Variants in EYA4 observed in about 807,000 individuals in gnomAD.
The protein encoded by EYA4 is protein phosphatase EYA4.
EYA4 carries 31 observed loss-of-function variants against 87.9 expected under a neutral mutation model. The observed-to-expected ratio is 0.35, with a 90% CI of 0.27 to 0.48. The LOEUF is 0.48. EYA4 is among the 20% of genes least tolerant of loss of function. The probability of loss-of-function intolerance (pLI) is 0.99; values close to 1 mark genes in which losing one functional copy is unlikely to be tolerated. For synonymous variants in EYA4, 263 were observed against 270.6 expected, an observed-to-expected ratio of 0.97 and a Z score of 0.28; for missense variants, 678 against 761.4, an observed-to-expected ratio of 0.89 and a Z score of 1.29.
chr6:133,319,872 A>G (rs2128351474), intron 2 of EYA4, among the ~76,000 whole-genome samples: 1 of 151,942 alleles, frequency 6.6e-6, no homozygotes, highest in South Asian at 2.1e-4. Flanking sequence ...GTGTGCCACC[A>G]TGCCTAGCTA....
chr6:133,493,284 CA>C (rs1220421876), intron 13 of EYA4, among the ~76,000 whole-genome samples: 2 of 152,020 alleles, frequency 1.3e-5, no homozygotes, highest in Non-Finnish European at 2.9e-5. Context: ...TACCTAGAAA[CA>C]AATTCATACA....
chr6:133,319,556 T>C (rs1780898000), intron 2 of EYA4, among the ~76,000 whole-genome samples: 1 of 152,048 alleles, frequency 6.6e-6, no homozygotes, highest in Non-Finnish European at 1.5e-5. Flanking sequence ...ATTAAACTTT[T>C]TTATATCAAC....
At chr6:133,456,049 T>C (rs528380195) in intron 5 of EYA4, among the ~76,000 whole-genome samples, 5 of 152,244 alleles carry the variant, frequency 3.3e-5, no homozygotes, top group Admixed American at 6.5e-5. Flanking sequence ...AGCTCGTGAG[T>C]CTTTTTTAGA....
rs547093094 is a variant in EYA4, at chr6:133,267,849, T to G, written c.-65-6867T>G. ...AGTTTTTTTGGGGAAAGGTTACTTC[T>G]TAGGAAAGTTAATACTGGGTAAAAG... On this transcript the variant is annotated intron_variant, in intron 1 of 19. Coordinates refer to ENST00000355286, the MANE Select transcript of EYA4 (RefSeq NM_004100.5). 3.9e-5 allele frequency among the ~76,000 whole-genome samples: 6 copies of G among 152,292 alleles called. No individual in the cohort carries two copies. In the South Asian group the frequency reaches 1.2e-3, roughly 32 times the overall value.
At chr6:133,304,832 C>T (rs536848921) in intron 2 of EYA4, among the ~76,000 whole-genome samples, 4 of 152,140 alleles carry the variant, frequency 2.6e-5, no homozygotes, top group African/African-American at 9.6e-5. Flanking sequence ...CTTGGGAATA[C>T]AGCACTAAAC....
At chr6:133,350,219 C>G (rs556762641) in intron 2 of EYA4, among the ~76,000 whole-genome samples, 5 of 152,146 alleles carry the variant, frequency 3.3e-5, no homozygotes, top group African/African-American at 1.2e-4. Flanking sequence ...ATGCAGTGTT[C>G]TAGGTGCCAG....
intron 2 of EYA4, among the ~76,000 whole-genome samples, chr6:133,340,157 A>G (rs1204514119): frequency 6.6e-6 from 1 of 152,212 alleles, no homozygotes; most frequent in Non-Finnish European, 1.5e-5. Flanking sequence ...TTAAGACTAT[A>G]TATAGGCTTA....
chr6:133,525,064 A>C, intron 18 of EYA4, 90 bp from the exon 19 acceptor site: 1 of 1,613,670 alleles, frequency 6.2e-7, no homozygotes, highest in Non-Finnish European at 8.5e-7. Context: ...GCACTAACAT[A>C]ACTTATGTTG....
intron 14 of EYA4, chr6:133,510,414 C>T: frequency 3.1e-6 from 1 of 318,624 alleles, no homozygotes; most frequent in South Asian, 3.3e-5. Context: ...AAGTATGTCA[C>T]CATCTCTAAA....
intron 1 of EYA4, chr6:133,248,842 C>T (rs1384331745): frequency 6.6e-6 from 1 of 150,694 alleles, no homozygotes; most frequent in African/African-American, 2.4e-5. Flanking sequence ...ATAAACCTGT[C>T]AAGAACGGCA....
chr6:133,397,903 A>G (rs985903813), intron 3 of EYA4, among the ~76,000 whole-genome samples: 3 of 152,174 alleles, frequency 2.0e-5, no homozygotes, highest in Non-Finnish European at 2.9e-5. Context: ...CCATGATTCA[A>G]TTACCTCCCA....
chr6:133,505,516 C>G (rs527325530), intron 13 of EYA4, among the ~76,000 whole-genome samples: 2 of 152,258 alleles, frequency 1.3e-5, no homozygotes, highest in Middle Eastern at 3.4e-3. Flanking sequence ...AGACCAAACT[C>G]TACACATGTT....
At chr6:133,317,775 A>G (rs1780739851) in intron 2 of EYA4, among the ~76,000 whole-genome samples, 1 of 151,384 alleles carries the variant, frequency 6.6e-6, no homozygotes, top group Admixed American at 6.6e-5. Context: ...ACTCTCAATC[A>G]TCTCCCCTTT....
chr6:133,250,537 G>C (rs187917074), intron 1 of EYA4, among the ~76,000 whole-genome samples: 40 of 152,246 alleles, frequency 2.6e-4, no homozygotes, highest in African/African-American at 9.1e-4. Flanking sequence ...AGCTACTCGG[G>C]AGGCTGAGGC....
intron 3 of EYA4, among the ~76,000 whole-genome samples, chr6:133,415,639 T>C (rs1354596706): frequency 6.6e-6 from 1 of 152,206 alleles, no homozygotes; most frequent in East Asian, 1.9e-4. Flanking sequence ...TCTCCTATAA[T>C]TTACCATCTC....
intron 19 of EYA4, 114 bp from the exon 20 acceptor site, chr6:133,528,611 G>A (rs1477027622): frequency 1.2e-6 from 1 of 834,072 alleles, no homozygotes; most frequent in Admixed American, 1.7e-5. Flanking sequence ...GAACTTGGGT[G>A]GACCACACAT....
intron 1 of EYA4, among the ~76,000 whole-genome samples, chr6:133,257,000 G>GGACTTACA (rs1312169111): frequency 6.6e-6 from 1 of 151,912 alleles, no homozygotes; most frequent in African/African-American, 2.4e-5. Flanking sequence ...GGATTCAATA[G>GGACTTACA]GACTTACACA....
At chr6:133,462,821 A>G (rs1413670119) in intron 9 of EYA4, 57 bp downstream of exon 9, 2 of 1,502,036 alleles carry the variant, frequency 1.3e-6, no homozygotes, top group African/African-American at 1.4e-5. Context: ...AGTGAGACTC[A>G]TTGGCTTCAG....
intron 9 of EYA4, among the ~76,000 whole-genome samples, chr6:133,463,536 T>C (rs1005373190): frequency 3.9e-5 from 6 of 151,946 alleles, no homozygotes; most frequent in Admixed American, 6.6e-5. Context: ...AATTTTTGTA[T>C]TTTTAGTAGT....
Sources: allele counts gnomAD v4.1 joint callset (sites outside exome capture counted in the v4.1 genomes callset), GRCh38; gene constraint gnomAD v4.1.1; transcripts MANE v1.5; gene names NCBI Gene and HGNC (gene_info 2026-07-23, HGNC 2026-07-21).